IFT46: variants seen among roughly 807,000 people sequenced by gnomAD.
IFT46 encodes intraflagellar transport protein 46 homolog.
Under a neutral mutation model 39.6 loss-of-function variants are expected in IFT46, and 19 were observed. The observed-to-expected ratio is 0.48, with a 90% CI of 0.33 to 0.70. IFT46 has a LOEUF of 0.70. IFT46 is among the 30% of genes least tolerant of loss of function. The pLI is 0.01. For synonymous variants in IFT46, 117 were observed against 134.8 expected, an observed-to-expected ratio of 0.87 and a Z score of 0.91; for missense variants, 334 against 364.8, an observed-to-expected ratio of 0.92 and a Z score of 0.69.
intron 9 of IFT46, among the ~76,000 whole-genome samples, chr11:118,547,905 C>G (rs1285012348): frequency 3.3e-5 from 5 of 151,610 alleles, no homozygotes; most frequent in Non-Finnish European, 7.4e-5. Flanking sequence ...CGCCACAGCG[C>G]CCGGCTAATT....
intron 8 of IFT46, 59 bp downstream of exon 8, chr11:118,552,155 G>C (rs1432954307): frequency 6.3e-7 from 1 of 1,598,128 alleles, no homozygotes; most frequent in African/African-American, 1.3e-5. Flanking sequence ...AGGAGCAACA[G>C]TTCACAGGTA....
upstream of IFT46, among the ~76,000 whole-genome samples, chr11:118,568,477 G>A (rs149443707): frequency 7.9e-4 from 120 of 152,114 alleles, 2 homozygotes; most frequent in East Asian, 0.011. Flanking sequence ...GCTTGAACCC[G>A]GGAGGCGGAG....
At chr11:118,553,945 AAACT>A (rs1336931580) in intron 7 of IFT46, among the ~76,000 whole-genome samples, 3 of 152,216 alleles carry the variant, frequency 2.0e-5, no homozygotes, top group Non-Finnish European at 4.4e-5. Flanking sequence ...GATTATATTA[AAACT>A]AATAAGTTGT....
At chr11:118,574,312 C>T (rs1383039604), upstream of IFT46, among the ~76,000 whole-genome samples, 2 of 152,082 alleles carry the variant, frequency 1.3e-5, no homozygotes, top group East Asian at 3.8e-4. Flanking sequence ...TGCTCCTTTA[C>T]AAACAGATCC....
intron 6 of IFT46, 136 bp downstream of exon 6, chr11:118,554,854 A>C (rs1047659005): frequency 1.3e-5 from 9 of 710,954 alleles, no homozygotes; most frequent in African/African-American, 1.1e-4. Context: ...TTTGGAGTTG[A>C]GAGCAAGGTT....
intron 9 of IFT46, chr11:118,547,263 A>G (rs1951708367): frequency 6.6e-6 from 1 of 152,182 alleles, no homozygotes; most frequent in South Asian, 2.1e-4. Context: ...AAAATAAGTA[A>G]ATAAAGTCTA....
At chr11:118,570,336 A>G (rs1232315434), upstream of IFT46, among the ~76,000 whole-genome samples, 1 of 152,056 alleles carries the variant, frequency 6.6e-6, no homozygotes, top group African/African-American at 2.4e-5. Flanking sequence ...CTGGGATTAC[A>G]GGCGTGAGCC....
intron 3 of IFT46, chr11:118,557,610 T>G: frequency 2.1e-5 from 24 of 1,131,792 alleles, no homozygotes; most frequent in African/African-American, 3.1e-5. Flanking sequence ...TTTTGTTCAG[T>G]GATATTTCTC....
intron 7 of IFT46, 129 bp from the exon 8 acceptor site, chr11:118,552,464 T>A (rs1054832455): frequency 9.1e-7 from 1 of 1,099,972 alleles, no homozygotes. Context: ...CGTGAAACAG[T>A]AGCCAAATGA....
intron 5 of IFT46, 74 bp from the exon 6 acceptor site, chr11:118,555,157 T>G: frequency 1.3e-6 from 2 of 1,530,732 alleles, no homozygotes; most frequent in Middle Eastern, 1.7e-4. Context: ...AAAAAAAATC[T>G]AAGGGGAATG....
At chr11:118,557,978 G>A (rs942217942) in intron 3 of IFT46, 6 of 1,156,164 alleles carry the variant, frequency 5.2e-6, no homozygotes, top group Admixed American at 2.7e-5. Context: ...AGGTTAACAC[G>A]TTTGATTCCA....
chr11:118,572,677 G>A (rs1003420837), exon 1 of IFT46: 42 of 1,244,720 alleles, frequency 3.4e-5, no homozygotes, highest in Non-Finnish European at 4.6e-5. Context: ...TTTTGCTCCG[G>A]GCTCGGGGAG....
chr11:118,546,222 C>T (rs966796081), intron 9 of IFT46: 2 of 714,870 alleles, frequency 2.8e-6, no homozygotes, highest in South Asian at 3.0e-5. Context: ...CTTGGTGGGG[C>T]GTGGTGGCTT....
Position 118,555,266 on chromosome 11 carries a change from A to T in IFT46, c.242T>A (p.Leu81His). The T allele has an allele frequency of 6.2e-7, 1 of 1,614,012 alleles. No homozygotes were observed. Among genetic ancestry groups the T allele is most frequent in the South Asian group, 1.1e-5 (1 of 91,080 alleles). Residue 81 changes from leucine to histidine, a missense_variant, in exon 5 of 12, where the codon CTC becomes CAC. Coordinates refer to ENST00000264021, the MANE Select transcript of IFT46 (RefSeq NM_001168618.2). ...HLPVSAEIKE[L>H]FQYISRYTPQ... ...TACTCACCTACTGATGTACTGGAAG[A>T]GTTCCTTAATTTCAGCAGAAACTGG...
In IFT46 at chr11:118,560,146, C is replaced by T. The variant is rs559435546; in HGVS notation, c.-35-282G>A. The T allele has an allele frequency of 1.4e-5, 5 of 349,676 alleles. No homozygotes were observed. The East Asian group carries it at 2.6e-4, about 18-fold the overall frequency. The allele number at this position is 349,676 out of a possible 1,614,324, so 21.7% of individuals were successfully genotyped here. ...TATAAACTCTGGCCAGGGGCAGTGG[C>T]TCATGCCTATAATCCCAACACTTTG... On this transcript the variant is annotated intron_variant, in intron 2 of 11. Coordinates refer to ENST00000264021, the MANE Select transcript of IFT46 (RefSeq NM_001168618.2).
chr11:118,575,164 G>C (rs1555073260), upstream of IFT46, among the ~76,000 whole-genome samples: 1 of 152,070 alleles, frequency 6.6e-6, no homozygotes, highest in Non-Finnish European at 1.5e-5. Flanking sequence ...ATTTTTAGTA[G>C]ATACGGGGTT....
chr11:118,571,112 C>G (rs1195629483), intron 1 of IFT46, among the ~76,000 whole-genome samples: 1 of 152,100 alleles, frequency 6.6e-6, no homozygotes, highest in Admixed American at 6.6e-5. Flanking sequence ...TATTCCTACC[C>G]TTCCTGAGCC....
At chr11:118,572,007 T>C (rs1555072418) in intron 1 of IFT46, among the ~76,000 whole-genome samples, 2 of 151,544 alleles carry the variant, frequency 1.3e-5, no homozygotes, top group East Asian at 1.9e-4. Context: ...GAAGAATCGC[T>C]TGAACCTGGG....
At chr11:118,567,280 C>T (rs899372638), upstream of IFT46, among the ~76,000 whole-genome samples, 16 of 150,832 alleles carry the variant, frequency 1.1e-4, no homozygotes, top group African/African-American at 3.9e-4. Flanking sequence ...TGAATAATAA[C>T]AATAATAATT....
Sources: allele counts gnomAD v4.1 joint callset (sites outside exome capture counted in the v4.1 genomes callset), GRCh38; gene constraint gnomAD v4.1.1; transcripts MANE v1.5; gene names NCBI Gene and HGNC (gene_info 2026-07-23, HGNC 2026-07-21).